RAPGEF6: variants seen among roughly 807,000 people sequenced by gnomAD.
RAPGEF6 encodes the protein PDZ domain containing guanine nucleotide exchange factor (GEF) 2.
Under a neutral mutation model 171.4 loss-of-function variants are expected in RAPGEF6, and 56 were observed. That is an observed-to-expected ratio of 0.33 (90% CI 0.26 to 0.41). The LOEUF is 0.41. Among genes scored for constraint, RAPGEF6 ranks in the 10% least tolerant of loss-of-function variants. The pLI, the probability that RAPGEF6 is intolerant of heterozygous loss-of-function variation, is 1.00. For missense variants in RAPGEF6, 1,674 were observed against 1,921.4 expected, an observed-to-expected ratio of 0.87 and a Z score of 2.41; for synonymous variants, 692 against 650.1, an observed-to-expected ratio of 1.06 and a Z score of -0.98.
rs1751319224 is a variant in RAPGEF6 at position 131,424,729 on chromosome 5, G to A, written c.*2537C>T. 6.6e-6 allele frequency: 1 copy of A among 152,248 alleles called. No homozygotes were observed. The highest frequency in any genetic ancestry group is 1.5e-5 in the Non-Finnish European group (1 of 68,036). 9.4% of individuals were successfully genotyped at this position (152,248 alleles called of 1,614,324 possible). On this transcript the variant is annotated 3_prime_UTR_variant, in exon 28 of 28. Coordinates refer to ENST00000509018, the MANE Select transcript of RAPGEF6 (RefSeq NM_016340.6). ...CTTTAATAAGCTTTTATGGAATCAT[G>A]TACTGGATTTACTAATTCTCAAAAT... is the stretch of plus-strand genomic sequence containing the variant.
chr5:131,480,812 C>G (rs901803945), intron 15 of RAPGEF6, among the ~76,000 whole-genome samples: 1 of 151,382 alleles, frequency 6.6e-6, no homozygotes. Context: ...TAATATATAT[C>G]GATTCCTCAC....
rs529771152 is a variant in RAPGEF6, at chr5:131,617,600, C to T, written c.70-12907G>A. On this transcript the variant is annotated intron_variant, in intron 1 of 27. Transcript: ENST00000509018. ...CTTGAGTAGCTGGGATTACAGGCGC[C>T]CACCACCACCCCCAGTTAGCAGTGG... Among the ~76,000 whole-genome samples the T allele has an allele frequency of 3.7e-3, 558 of 151,024 alleles. 1 individual carries two copies. The highest frequency in any genetic ancestry group is 0.013 in the African/African-American group (543 of 40,452).
rs530825834 is a variant in RAPGEF6 at position 131,630,869 on chromosome 5, T to C, written c.69+4093A>G. ...TTCAACATACTAATTCTCATCCCTTTGTATATTTTTCACAACGCTTTGCAC... is the reference window on the plus strand; with the variant it reads ...TTCAACATACTAATTCTCATCCCTTCGTATATTTTTCACAACGCTTTGCAC... On this transcript the variant is annotated intron_variant, in intron 1 of 27. Coordinates refer to ENST00000509018, the MANE Select transcript of RAPGEF6 (RefSeq NM_016340.6). Among the ~76,000 whole-genome samples the C allele has an allele frequency of 7.9e-5, 12 of 152,362 alleles. No individual in the cohort carries two copies. The South Asian group carries it at 2.3e-3, about 29-fold the overall frequency.
chr5:131,547,424 A>G (rs1189732350), intron 6 of RAPGEF6, among the ~76,000 whole-genome samples: 1 of 152,114 alleles, frequency 6.6e-6, no homozygotes, highest in East Asian at 1.9e-4. Flanking sequence ...TGATTTTTTT[A>G]GATTACCCTT....
chr5:131,481,505 C>T (rs1187178857), intron 15 of RAPGEF6, among the ~76,000 whole-genome samples: 1 of 152,198 alleles, frequency 6.6e-6, no homozygotes, highest in East Asian at 1.9e-4. Context: ...GCTGGGATTA[C>T]AGGCGTTAAG....
chr5:131,603,034 G>T (rs1346852777), intron 3 of RAPGEF6, among the ~76,000 whole-genome samples: 2 of 152,088 alleles, frequency 1.3e-5, no homozygotes, highest in Non-Finnish European at 2.9e-5. Flanking sequence ...GAGCCTTCTG[G>T]AAAACTGGTA....
chr5:131,605,250 C>T (rs1764486189), intron 1 of RAPGEF6, among the ~76,000 whole-genome samples: 1 of 152,148 alleles, frequency 6.6e-6, no homozygotes, highest in Admixed American at 6.5e-5. Context: ...ATTAAAACAA[C>T]AACAACAACA....
chr5:131,446,373 T>A, intron 22 of RAPGEF6, 110 bp downstream of exon 22: 1 of 1,026,660 alleles, frequency 9.7e-7, no homozygotes, highest in Non-Finnish European at 1.4e-6. Context: ...ATGCCAGCAA[T>A]CTTTTGTGAG....
chr5:131,595,340 A>G (rs1289053332), intron 3 of RAPGEF6, among the ~76,000 whole-genome samples: 1 of 152,076 alleles, frequency 6.6e-6, no homozygotes, highest in Non-Finnish European at 1.5e-5. Context: ...TTCTGCTGTG[A>G]TTGTAAGTTT....
rs148084174 is a variant in RAPGEF6 at position 131,533,757 on chromosome 5, A to G, written c.496-12236T>C. On this transcript the variant is annotated intron_variant, in intron 6 of 27. Transcript: ENST00000509018. ...CAACATGGTACTTTCCTGTAGCCCA[A>G]TGCTGAATTCCTAGAAAAAGACAAG... 6.7e-3 allele frequency among the ~76,000 whole-genome samples: 1,013 copies of G among 152,250 alleles called. 38 individuals carry two copies. The highest frequency in any genetic ancestry group is 0.011 in the East Asian group (56 of 5,184).
chr5:131,570,660 CATT>C (rs1762221922), intron 4 of RAPGEF6, among the ~76,000 whole-genome samples: 1 of 152,042 alleles, frequency 6.6e-6, no homozygotes, highest in Non-Finnish European at 1.5e-5. Flanking sequence ...GCTATAAAAA[CATT>C]ATGCTAAATG....
intron 4 of RAPGEF6, among the ~76,000 whole-genome samples, chr5:131,578,317 G>A (rs1255862170): frequency 6.6e-6 from 1 of 151,972 alleles, no homozygotes; most frequent in Non-Finnish European, 1.5e-5. Flanking sequence ...TCCTTCTCTA[G>A]CAAAGAATTG....
intron 5 of RAPGEF6, among the ~76,000 whole-genome samples, chr5:131,555,262 T>C (rs2149958685): frequency 6.6e-6 from 1 of 152,306 alleles, no homozygotes; most frequent in African/African-American, 2.4e-5. Flanking sequence ...AGAGGGGAAA[T>C]GGTACCTACT....
chr5:131,555,358 A>C (rs1014696895), intron 5 of RAPGEF6, among the ~76,000 whole-genome samples: 32 of 114,732 alleles, frequency 2.8e-4, no homozygotes, highest in Non-Finnish European at 5.1e-4. Context: ...TGCAATGAAC[A>C]ACCCTAGGAA....
intron 17 of RAPGEF6, among the ~76,000 whole-genome samples, chr5:131,470,459 T>C (rs774023537): frequency 2.6e-5 from 4 of 152,198 alleles, no homozygotes; most frequent in African/African-American, 9.7e-5. Context: ...TACTTCTCTC[T>C]TGCCTCCTCC....
intron 4 of RAPGEF6, among the ~76,000 whole-genome samples, chr5:131,581,896 C>T (rs957103025): frequency 6.6e-6 from 1 of 152,176 alleles, no homozygotes; most frequent in African/African-American, 2.4e-5. Flanking sequence ...CCCTCCCTGC[C>T]CTTGTGAAAG....
chr5:131,528,331 A>AT (rs369637224), intron 6 of RAPGEF6, among the ~76,000 whole-genome samples: 6 of 106,000 alleles, frequency 5.7e-5, no homozygotes, highest in Non-Finnish European at 1.1e-4. Flanking sequence ...ATATATATAT[A>AT]TATATATACA....
chr5:131,438,450 CTGGA>C (rs1261405053), intron 24 of RAPGEF6, among the ~76,000 whole-genome samples: 1 of 152,206 alleles, frequency 6.6e-6, no homozygotes, highest in Non-Finnish European at 1.5e-5. Context: ...GAAGCAAGCT[CTGGA>C]AGCTTCTCTC....
At chr5:131,556,083 A>C (rs1312224080) in intron 5 of RAPGEF6, among the ~76,000 whole-genome samples, 3 of 151,820 alleles carry the variant, frequency 2.0e-5, no homozygotes, top group Non-Finnish European at 4.4e-5. Flanking sequence ...ATTTTATGGA[A>C]CCATTGTCAT....
Sources: gnomAD v4.1 joint callset for allele counts (sites outside exome capture counted in the v4.1 genomes callset) on GRCh38, gnomAD v4.1.1 for gene constraint, MANE v1.5 for transcripts, NCBI Gene and HGNC (gene_info 2026-07-23, HGNC 2026-07-21) for gene names.